Variants in MLLT1 observed in about 807,000 individuals in gnomAD.
The protein encoded by MLLT1 is MLLT1 super elongation complex subunit.
MLLT1 carries 11 observed loss-of-function variants against 55.1 expected under a neutral mutation model. That is an observed-to-expected ratio of 0.20 (90% CI 0.13 to 0.33). MLLT1 has a LOEUF of 0.33. Among genes scored for constraint, MLLT1 ranks in the 10% least tolerant of loss-of-function variants. MLLT1 has a pLI of 1.00. For missense variants in MLLT1, 536 were observed against 760.6 expected, an observed-to-expected ratio of 0.70 and a Z score of 3.47; for synonymous variants, 323 against 320.1, an observed-to-expected ratio of 1.01 and a Z score of -0.10.
At chr19:6,214,152 C>G in intron 8 of MLLT1, 114 bp from the exon 9 acceptor site, 1 of 516,582 alleles carries the variant, frequency 1.9e-6, no homozygotes, top group South Asian at 4.5e-5. Context: ...CACACACCCC[C>G]AACAGCTCCA....
rs1187526542 is a variant in MLLT1, at chr19:6,262,658, T to G, written c.194-348A>C. On this transcript the variant is annotated intron_variant, in intron 2 of 11. Coordinates refer to ENST00000252674, the MANE Select transcript of MLLT1 (RefSeq NM_005934.4). The surrounding 1 kb of genome is among the most constrained non-coding windows in gnomAD (Gnocchi z 4.4). ...CACAAGTTTGCCCGACTCAGGTGGA[T>G]GTCGGTAAGCGTGACCTGGGTGAGG... is the stretch of plus-strand genomic sequence containing the variant. Among the ~76,000 whole-genome samples, 1 of 152,094 alleles carries G rather than the reference T, an allele frequency of 6.6e-6. No individual in the cohort carries two copies. Among genetic ancestry groups the G allele is most frequent in the African/African-American group, 2.4e-5 (1 of 41,408 alleles).
At chr19:6,244,555 C>T (rs2091149359) in intron 3 of MLLT1, among the ~76,000 whole-genome samples, 1 of 152,060 alleles carries the variant, frequency 6.6e-6, no homozygotes. Flanking sequence ...CAGAAGCACT[C>T]GCCAGAAAAA....
intron 1 of MLLT1, among the ~76,000 whole-genome samples, chr19:6,271,446 T>C (rs557402066): frequency 2.1e-4 from 32 of 152,232 alleles, no homozygotes; most frequent in Admixed American, 5.2e-4. Flanking sequence ...TGCGGCCCCC[T>C]GGTGACCGGT....
chr19:6,215,870 C>T (rs577866660), intron 8 of MLLT1, among the ~76,000 whole-genome samples: 59 of 152,304 alleles, frequency 3.9e-4, no homozygotes, highest in Middle Eastern at 6.8e-3. Context: ...GGTGGGGTCA[C>T]GCCAAGGGTC....
chr19:6,239,716 AC>A (rs1402528556), intron 3 of MLLT1, among the ~76,000 whole-genome samples: 1 of 151,588 alleles, frequency 6.6e-6, no homozygotes, highest in East Asian at 1.9e-4. Context: ...GTACACACAC[AC>A]CCCCACACTC....
At chr19:6,217,900 G>A (rs1183860135) in intron 7 of MLLT1, 54 bp downstream of exon 7, 100 of 1,551,934 alleles carry the variant, frequency 6.4e-5, no homozygotes, top group Middle Eastern at 3.5e-4. Context: ...TGTGGCCTGA[G>A]CTCCAGGCCC....
At chr19:6,279,283 G>T (rs1420987830) in intron 1 of MLLT1, among the ~76,000 whole-genome samples, 1 of 152,132 alleles carries the variant, frequency 6.6e-6, no homozygotes, top group Non-Finnish European at 1.5e-5. Context: ...AGGAGACAGT[G>T]ACTGGCCCTG....
rs1291728004 is a variant in MLLT1 at position 6,212,247 on chromosome 19, G to C, written c.*795C>G. 1 of 1,065,484 alleles carries C rather than the reference G, an allele frequency of 9.4e-7. No individual in the cohort carries two copies. Among genetic ancestry groups the C allele is most frequent in the Non-Finnish European group, 1.1e-6 (1 of 879,410 alleles). 66.0% of individuals were successfully genotyped at this position (1,065,484 alleles called of 1,614,324 possible). The stretch of plus-strand genomic sequence containing the variant: ...AGGACTCGCTGCCCTTTGTAGTGTT[G>C]GCTGACCCCCCCGGGAGCCCCGGTA... On this transcript the variant is annotated 3_prime_UTR_variant, in exon 12 of 12. Transcript: ENST00000252674.
chr19:6,213,874 G>C, intron 9 of MLLT1, 65 bp downstream of exon 9: 3 of 1,559,448 alleles, frequency 1.9e-6, no homozygotes, highest in Non-Finnish European at 2.6e-6. Flanking sequence ...ACCCTCCTAG[G>C]ACAGCCCGGC....
intron 3 of MLLT1, among the ~76,000 whole-genome samples, chr19:6,241,344 C>T (rs1413263339): frequency 6.6e-6 from 1 of 152,272 alleles, no homozygotes; most frequent in Non-Finnish European, 1.5e-5. Flanking sequence ...CCCCTAGCAC[C>T]CCCGCTGGAC....
intron 3 of MLLT1, among the ~76,000 whole-genome samples, chr19:6,243,399 C>T (rs2091134285): frequency 1.3e-5 from 2 of 152,182 alleles, no homozygotes; most frequent in South Asian, 4.1e-4. Context: ...TCCTGTTTGG[C>T]AGCCACTGAA....
intron 1 of MLLT1, among the ~76,000 whole-genome samples, chr19:6,278,448 C>T (rs2091438913): frequency 1.4e-5 from 2 of 147,178 alleles, no homozygotes; most frequent in Non-Finnish European, 1.5e-5. Flanking sequence ...AACCCACCCA[C>T]CCACCCTGGG....
Position 6,230,849 on chromosome 19 carries a change from T to G in MLLT1, c.277-136A>C. ...TCCCTCCGATTTGCGCCCACTTCTC[T>G]CTCAGGGCACCTCCTGCCCTGCCCT... On this transcript the variant is annotated intron_variant, in intron 3 of 11. Coordinates refer to ENST00000252674, the MANE Select transcript of MLLT1 (RefSeq NM_005934.4). The surrounding 1 kb of genome is among the most constrained non-coding windows in gnomAD (Gnocchi z 9.0). The G allele has an allele frequency of 1.8e-6, 2 of 1,122,938 alleles. No homozygotes were observed. The highest frequency in any genetic ancestry group is 2.6e-6 in the Non-Finnish European group (2 of 783,476). 69.6% of individuals were successfully genotyped at this position (1,122,938 alleles called of 1,614,324 possible). A position where few individuals can be genotyped will look rare whatever the true frequency, so the allele number is the denominator to read the frequency against.
intron 3 of MLLT1, among the ~76,000 whole-genome samples, chr19:6,242,450 G>A (rs1229724567): frequency 6.6e-6 from 1 of 152,182 alleles, no homozygotes; most frequent in African/African-American, 2.4e-5. Context: ...GGGAGGCCAC[G>A]GTGGACTGGT....
intron 2 of MLLT1, among the ~76,000 whole-genome samples, chr19:6,265,292 C>T (rs967760636): frequency 6.6e-6 from 1 of 152,112 alleles, no homozygotes; most frequent in East Asian, 1.9e-4. Flanking sequence ...TTGGAATATT[C>T]GCATTCCTCT....
chr19:6,212,800 G>T lies in MLLT1; in HGVS notation c.*242C>A. 1 of 930,462 alleles carries T rather than the reference G, an allele frequency of 1.1e-6. No individual in the cohort carries two copies. The highest frequency in any genetic ancestry group is 1.5e-6 in the Non-Finnish European group (1 of 685,040). The allele number at this position is 930,462 out of a possible 1,614,324, so 57.6% of individuals were successfully genotyped here. A position where few individuals can be genotyped will look rare whatever the true frequency, so the allele number is the denominator to read the frequency against. The stretch of plus-strand genomic sequence containing the variant: ...CCTTCAACACCAGCCGCTCTCTGAG[G>T]GGAGCCCAGAGAGCCCGGGGGGCGG... On this transcript the variant is annotated 3_prime_UTR_variant, in exon 12 of 12. Coordinates refer to ENST00000252674, the MANE Select transcript of MLLT1 (RefSeq NM_005934.4).
chr19:6,253,262 C>T (rs1250277192), intron 3 of MLLT1, among the ~76,000 whole-genome samples: 1 of 57,700 alleles, frequency 1.7e-5, no homozygotes, highest in Non-Finnish European at 2.8e-5. Flanking sequence ...GAGACCCCAT[C>T]TCAAAAAAAA....
Position 6,210,406 on chromosome 19 carries a change from CTTTT to C in MLLT1, c.*2632_*2635del, listed in dbSNP as rs887168342. 6.6e-5 allele frequency: 12 copies of C among 182,068 alleles called. No individual in the cohort carries two copies. The highest frequency in any genetic ancestry group is 2.4e-4 in the African/African-American group (10 of 42,290). The allele number at this position is 182,068 out of a possible 1,614,324, so 11.3% of individuals were successfully genotyped here. ...TGCTTTCCCATCTGACTTTATTTCA[CTTTT>C]TTTTTCTATAAAACTCCTCCATAAT... On this transcript the variant is annotated 3_prime_UTR_variant, in exon 12 of 12. Coordinates refer to ENST00000252674, the MANE Select transcript of MLLT1 (RefSeq NM_005934.4). The surrounding 1 kb of genome is among the most constrained non-coding windows in gnomAD (Gnocchi z 4.6).
At chr19:6,247,047 C>G (rs535453775) in intron 3 of MLLT1, among the ~76,000 whole-genome samples, 1 of 152,282 alleles carries the variant, frequency 6.6e-6, no homozygotes, top group African/African-American at 2.4e-5. Flanking sequence ...AGCCAGGTTT[C>G]CCCCTTCAGA....
Sources: allele counts gnomAD v4.1 joint callset (sites outside exome capture counted in the v4.1 genomes callset), GRCh38; gene constraint gnomAD v4.1.1; non-coding constraint Gnocchi (gnomAD v3.1); transcripts MANE v1.5; gene names NCBI Gene and HGNC (gene_info 2026-07-23, HGNC 2026-07-21).